PVT1: variants seen among roughly 807,000 people sequenced by gnomAD.
The protein encoded by PVT1 is Pvt1 oncogene.
At chr8:127,929,629 A>G (rs1237183767) in intron 3 of PVT1, among the ~76,000 whole-genome samples, 2 of 152,256 alleles carry the variant, frequency 1.3e-5, no homozygotes, top group East Asian at 1.9e-4. Context: ...TTAGCCGGGC[A>G]TGGTGGCGGG....
At chr8:127,998,849 C>T (rs200531028) in intron 4 of PVT1, among the ~76,000 whole-genome samples, 911 of 85,366 alleles carry the variant, frequency 0.011, 11 homozygotes, top group African/African-American at 0.034. Context: ...CCTTCCTTCC[C>T]TCCCTCCCTC....
At chr8:127,983,266 C>T (rs1353127576) in intron 3 of PVT1, among the ~76,000 whole-genome samples, 1 of 152,188 alleles carries the variant, frequency 6.6e-6, no homozygotes, top group Non-Finnish European at 1.5e-5. Context: ...AGTAGCCATC[C>T]ATTTTTCTTT....
chr8:127,915,472 C>T (rs1455132055), intron 3 of PVT1, among the ~76,000 whole-genome samples: 2 of 151,776 alleles, frequency 1.3e-5, no homozygotes, highest in Non-Finnish European at 2.9e-5. Flanking sequence ...ATTAGCCAGG[C>T]GTGGTGGCAC....
chr8:127,835,278 G>A (rs1466841223), intron 2 of PVT1, among the ~76,000 whole-genome samples: 1 of 152,164 alleles, frequency 6.6e-6, no homozygotes, highest in Non-Finnish European at 1.5e-5. Flanking sequence ...AAAAAAGAAT[G>A]CATTCATGTC....
At chr8:128,095,871 C>T (rs1814421774) in intron 5 of PVT1, among the ~76,000 whole-genome samples, 1 of 152,248 alleles carries the variant, frequency 6.6e-6, no homozygotes, top group Non-Finnish European at 1.5e-5. Flanking sequence ...TTCTTTTCCA[C>T]TCCAATTCTG....
rs1816716624 is a variant in PVT1 at position 127,967,512 on chromosome 8, C to G, written n.783-21650C>G. On this transcript the variant is annotated intron_variant and non_coding_transcript_variant, in intron 3 of 10. Transcript: ENST00000651587. Reference sequence around the variant, plus strand: ...AGTGGTGTGTTCATCTGTGCATGTTCTGGACAGTACCACGAGGTCAGTAAA... The same window carrying G: ...AGTGGTGTGTTCATCTGTGCATGTTGTGGACAGTACCACGAGGTCAGTAAA... Among the ~76,000 whole-genome samples, 3 of 152,362 alleles carry G rather than the reference C, an allele frequency of 2.0e-5. No individual in the cohort carries two copies. In the South Asian group the frequency reaches 6.2e-4, roughly 32 times the overall value.
chr8:128,011,847 A>G (rs1322981580), intron 4 of PVT1, among the ~76,000 whole-genome samples: 1 of 152,192 alleles, frequency 6.6e-6, no homozygotes, highest in Non-Finnish European at 1.5e-5. Flanking sequence ...GCAACTTAAT[A>G]AAAGGAAAAG....
At chr8:127,901,414 C>T (rs1269705084) in intron 3 of PVT1, among the ~76,000 whole-genome samples, 1 of 152,076 alleles carries the variant, frequency 6.6e-6, no homozygotes, top group East Asian at 1.9e-4. Flanking sequence ...ACAGCACAGG[C>T]ACATTTTAGG....
At position 127,910,912 on chromosome 8, in the gene PVT1, TGA is replaced by T. The variant is rs59712883; in HGVS notation, n.782+19933_782+19934del. Among the ~76,000 whole-genome samples, 177 of 148,670 alleles carry T rather than the reference TGA, an allele frequency of 1.2e-3. 1 individual carries two copies. The highest frequency in any genetic ancestry group is 4.0e-3 in the East Asian group (20 of 5,042). On this transcript the variant is annotated intron_variant and non_coding_transcript_variant, in intron 3 of 10. Transcript: ENST00000651587. The stretch of plus-strand genomic sequence containing the variant: ...GTGTGTTTGTGTGTGTGTGTGTGTG[TGA>T]GAGAGAGAGAGAGAGAGATTGTGCA...
At chr8:127,949,671 A>C (rs1433791431) in intron 3 of PVT1, among the ~76,000 whole-genome samples, 1 of 152,018 alleles carries the variant, frequency 6.6e-6, no homozygotes, top group African/African-American at 2.4e-5. Flanking sequence ...GGTGGCATTT[A>C]GCAGATGACG....
intron 2 of PVT1, among the ~76,000 whole-genome samples, chr8:127,824,888 G>A (rs1425199337): frequency 6.6e-6 from 1 of 152,104 alleles, no homozygotes; most frequent in Non-Finnish European, 1.5e-5. Flanking sequence ...GGGAGGCCGA[G>A]GTGGGTGGAA....
chr8:127,955,472 A>G (rs1816557096), intron 3 of PVT1, among the ~76,000 whole-genome samples: 1 of 152,234 alleles, frequency 6.6e-6, no homozygotes, highest in Non-Finnish European at 1.5e-5. Flanking sequence ...TTTTCATAGT[A>G]AGTGGGATAA....
At chr8:127,922,865 A>G (rs1277793741) in intron 3 of PVT1, among the ~76,000 whole-genome samples, 2 of 152,202 alleles carry the variant, frequency 1.3e-5, no homozygotes, top group Non-Finnish European at 2.9e-5. Flanking sequence ...CTGGCAGGAT[A>G]ATCCCTGTGC....
chr8:127,860,755 A>T (rs548208364), intron 2 of PVT1, among the ~76,000 whole-genome samples: 25 of 133,172 alleles, frequency 1.9e-4, no homozygotes, highest in African/African-American at 7.2e-4. Context: ...ACAGAGCAAG[A>T]CCCAATCTCA....
At chr8:127,916,041 G>T (rs1214728820) in intron 3 of PVT1, among the ~76,000 whole-genome samples, 1 of 152,246 alleles carries the variant, frequency 6.6e-6, no homozygotes, top group East Asian at 1.9e-4. Flanking sequence ...CTTACAGGGG[G>T]GCAAATATTT....
At chr8:127,984,968 CTCCT>C (rs1816943933) in intron 3 of PVT1, among the ~76,000 whole-genome samples, 1 of 131,612 alleles carries the variant, frequency 7.6e-6, no homozygotes, top group Non-Finnish European at 1.5e-5. Flanking sequence ...TCCTTCCTCC[CTCCT>C]TCCTTCCTTT....
chr8:128,073,138 G>A (rs1314575889), intron 5 of PVT1, among the ~76,000 whole-genome samples: 1 of 151,930 alleles, frequency 6.6e-6, no homozygotes, highest in Non-Finnish European at 1.5e-5. Flanking sequence ...CGGCCCACCT[G>A]AGCATTTTTA....
Position 127,810,860 on chromosome 8 carries a change from C to T in PVT1, n.372+14789C>T, listed in dbSNP as rs144331702. On this transcript the variant is annotated intron_variant and non_coding_transcript_variant, in intron 2 of 10. Coordinates refer to ENST00000651587, the Ensembl canonical transcript of PVT1. ...TCACCTCCTCCAGGAAGCATTCCCT[C>T]ATCTCCTTACGCTGGTTCTGAGTGT... Among the ~76,000 whole-genome samples, 158 of 152,284 alleles carry T rather than the reference C, an allele frequency of 1.0e-3. 2 individuals carry two copies. The East Asian group carries it at 0.027, about 26-fold the overall frequency.
intron 2 of PVT1, among the ~76,000 whole-genome samples, chr8:127,836,890 C>T (rs1371079486): frequency 6.6e-6 from 1 of 152,026 alleles, no homozygotes; most frequent in African/African-American, 2.4e-5. Context: ...AGTCCCCCAC[C>T]TGCTCTCTGT....
Sources: allele counts gnomAD v4.1 joint callset (sites outside exome capture counted in the v4.1 genomes callset), GRCh38; gene constraint gnomAD v4.1.1; transcripts MANE v1.5; gene names NCBI Gene and HGNC (gene_info 2026-07-23, HGNC 2026-07-21).